Variants in CRYZ observed in about 807,000 individuals in gnomAD.
CRYZ encodes zeta-crystallin.
Under a neutral mutation model 34.1 loss-of-function variants are expected in CRYZ, and 35 were observed. That is an observed-to-expected ratio of 1.03 (90% confidence interval 0.78 to 1.36). The LOEUF is 1.36. CRYZ is among the 40% of genes most tolerant of loss of function. The pLI, the probability that CRYZ is intolerant of heterozygous loss-of-function variation, is 0.00. For missense variants in CRYZ, 403 were observed against 391.8 expected, an observed-to-expected ratio of 1.03 and a Z score of -0.24; for synonymous variants, 137 against 136.5, an observed-to-expected ratio of 1.00 and a Z score of -0.03.
At chr1:74,727,812 G>T (rs557516877) in intron 1 of CRYZ, among the ~76,000 whole-genome samples, 4 of 152,052 alleles carry the variant, frequency 2.6e-5, no homozygotes, top group Non-Finnish European at 5.9e-5. Context: ...TGGCGACAGA[G>T]CCAAATGATA....
intron 3 of CRYZ, among the ~76,000 whole-genome samples, chr1:74,721,929 A>T (rs1031317925): frequency 1.3e-5 from 2 of 152,116 alleles, no homozygotes; most frequent in African/African-American, 2.4e-5. Context: ...TGCTAGAGTG[A>T]CTCAGGAACT....
At chr1:74,720,966 C>T (rs1647153559) in intron 3 of CRYZ, among the ~76,000 whole-genome samples, 2 of 152,010 alleles carry the variant, frequency 1.3e-5, no homozygotes, top group South Asian at 2.1e-4. Flanking sequence ...GAAATTACTT[C>T]TAAGTAGAGG....
At position 74,731,189 on chromosome 1, in the gene CRYZ, A is replaced by G. The variant is rs372427649; in HGVS notation, c.-14+1767T>C. On this transcript the variant is annotated intron_variant, in intron 1 of 8. Coordinates refer to ENST00000340866, the MANE Select transcript of CRYZ (RefSeq NM_001889.4). ...GCCTTACAAATCTAGGAAATAGAAAATCTAAAATCCCTCTTCCAACAGTGA... is the reference window on the plus strand; with the variant it reads ...GCCTTACAAATCTAGGAAATAGAAAGTCTAAAATCCCTCTTCCAACAGTGA... Among the ~76,000 whole-genome samples the G allele has an allele frequency of 5.1e-4, 78 of 152,318 alleles. 1 individual carries two copies. The East Asian group carries it at 6.6e-3, about 13-fold the overall frequency.
At chr1:74,712,348 T>A (rs989983303) in intron 5 of CRYZ, among the ~76,000 whole-genome samples, 1 of 152,134 alleles carries the variant, frequency 6.6e-6, no homozygotes, top group African/African-American at 2.4e-5. Context: ...CCCCAAGTTG[T>A]GACAACCAAA....
chr1:74,723,655 T>G (rs918374734), intron 2 of CRYZ, among the ~76,000 whole-genome samples: 1 of 152,118 alleles, frequency 6.6e-6, no homozygotes, highest in African/African-American at 2.4e-5. Flanking sequence ...TTAGCAAAAG[T>G]GACAGTAGAC....
In CRYZ at chr1:74,707,094, A is replaced by C; in HGVS notation, c.732+9T>G. 3.2e-6 allele frequency: 5 copies of C among 1,554,910 alleles called. No individual in the cohort carries two copies. Among genetic ancestry groups the C allele is most frequent in the Non-Finnish European group, 4.4e-6 (5 of 1,143,450 alleles). On this transcript the variant is annotated intron_variant, in intron 7 of 8. Coordinates refer to ENST00000340866, the MANE Select transcript of CRYZ (RefSeq NM_001889.4). ...TGGTAAAAAAAAAAAAAAGAAAAGG[A>C]ATACTTACTATCACTCGTCCTCCAT...
intron 3 of CRYZ, among the ~76,000 whole-genome samples, chr1:74,720,882 G>A (rs1647152324): frequency 6.6e-6 from 1 of 151,934 alleles, no homozygotes. Flanking sequence ...GGAGAGAAAA[G>A]CAAAGGATAG....
chr1:74,715,449 G>C (rs565837635), intron 4 of CRYZ, among the ~76,000 whole-genome samples: 2 of 152,224 alleles, frequency 1.3e-5, no homozygotes, highest in Admixed American at 6.5e-5. Flanking sequence ...CAAACAATGT[G>C]GGGTGGCCAC....
At chr1:74,714,294 T>A (rs1208000326) in intron 5 of CRYZ, among the ~76,000 whole-genome samples, 1 of 152,018 alleles carries the variant, frequency 6.6e-6, no homozygotes, top group Non-Finnish European at 1.5e-5. Flanking sequence ...CATATGCTAC[T>A]TGAAGGCAAA....
intron 6 of CRYZ, chr1:74,708,542 A>C (rs1220705419): frequency 6.6e-6 from 1 of 152,158 alleles, no homozygotes; most frequent in African/African-American, 2.4e-5. Context: ...TGGAATAGAG[A>C]TAAGGAAATA....
In CRYZ at chr1:74,719,268, A is replaced by C; in HGVS notation, c.369T>G (p.Phe123Leu). 6.2e-7 allele frequency: 1 copy of C among 1,613,912 alleles called. No homozygotes were observed. Among genetic ancestry groups the C allele is most frequent in the Non-Finnish European group, 8.5e-7 (1 of 1,179,816 alleles). ...TVYKLPEKLD[F>L]KQGAAIGIPY... is the part of the protein sequence containing the mutation. ...GAATGCCGATGGCAGCTCCTTGTTT[A>C]AAGTCCAGTTTTTCAGGTAGTTTGT... is the stretch of plus-strand genomic sequence containing the variant. The change falls in exon 4 of 9, where the codon TTT (phenylalanine) becomes TTG (leucine). Residue 123 changes from phenylalanine (F) to leucine (L), a missense_variant. By Grantham distance (22) the Phe-to-Leu change is conservative. Transcript: ENST00000340866.
Position 74,706,514 on chromosome 1 carries a change from G to T in CRYZ, c.829-57C>A. 4 of 1,494,086 alleles carry T rather than the reference G, an allele frequency of 2.7e-6. No individual in the cohort carries two copies. The South Asian group carries it at 5.2e-5, about 19-fold the overall frequency. The allele number at this position is 1,494,086 out of a possible 1,614,324, so 92.6% of individuals were successfully genotyped here. On this transcript the variant is annotated intron_variant, in intron 8 of 8. Coordinates refer to ENST00000340866, the MANE Select transcript of CRYZ (RefSeq NM_001889.4). Reference sequence around the variant, plus strand: ...AGTGAACCGTATGATTTAATTTTCAGAAGCATTAAAAACACTTCAGAATCT... The same window carrying T: ...AGTGAACCGTATGATTTAATTTTCATAAGCATTAAAAACACTTCAGAATCT...
Position 74,706,177 on chromosome 1 carries a change from AT to A in CRYZ, c.*118del. The A allele has an allele frequency of 1.1e-6, 1 of 902,744 alleles. No homozygotes were observed. The highest frequency in any genetic ancestry group is 2.7e-5 in the East Asian group (1 of 37,104). The allele number at this position is 902,744 out of a possible 1,614,324, so 55.9% of individuals were successfully genotyped here. A position where few individuals can be genotyped will look rare whatever the true frequency, so the allele number is the denominator to read the frequency against. ...CTTCTGCTCTCTAAAGAAAAATCTT[AT>A]TTTTTCACATAAGAAGCTCATGGAA... is the stretch of plus-strand genomic sequence containing the variant. On this transcript the variant is annotated 3_prime_UTR_variant, in exon 9 of 9. Transcript: ENST00000340866.
At chr1:74,719,475 T>C (rs1469743103) in intron 3 of CRYZ, 103 bp from the exon 4 acceptor site, 8 of 1,059,554 alleles carry the variant, frequency 7.6e-6, no homozygotes, top group Non-Finnish European at 9.3e-6. Flanking sequence ...TCATATATTG[T>C]CCTCTATAGG....
At chr1:74,721,740 C>A (rs1322880987) in intron 3 of CRYZ, among the ~76,000 whole-genome samples, 1 of 152,158 alleles carries the variant, frequency 6.6e-6, no homozygotes, top group Non-Finnish European at 1.5e-5. Flanking sequence ...AAGAGAGGCG[C>A]TATCTGCAGT....
chr1:74,726,602 C>G (rs1353050357), intron 1 of CRYZ, among the ~76,000 whole-genome samples: 5 of 152,160 alleles, frequency 3.3e-5, no homozygotes, highest in Non-Finnish European at 7.4e-5. Flanking sequence ...TTTCCCCATT[C>G]CATTATCTTG....
rs138104182 is a variant in CRYZ at position 74,731,092 on chromosome 1, T to C, written c.-14+1864A>G. 1.0e-3 allele frequency among the ~76,000 whole-genome samples: 159 copies of C among 152,344 alleles called. 1 individual carries two copies. The highest frequency in any genetic ancestry group is 3.5e-3 in the African/African-American group (147 of 41,578). On this transcript the variant is annotated intron_variant, in intron 1 of 8. Coordinates refer to ENST00000340866, the MANE Select transcript of CRYZ (RefSeq NM_001889.4). ...AATAGGCCTTCCTGTTTATCAAATA[T>C]AAACTTTTAAAAATTAAGAGTCCCT...
chr1:74,724,795 T>G lies in CRYZ; in HGVS notation c.27A>C (p.Arg9Ser). Reference protein sequence around the residue: MATGQKLMRAVRVFEFGGP... With the variant: MATGQKLMSAVRVFEFGGP... Reference sequence around the variant, plus strand: ...CACCAAATTCAAAAACTCTAACAGCTCTCATCAACTTCTGTCCAGTCGCCA... The same window carrying G: ...CACCAAATTCAAAAACTCTAACAGCGCTCATCAACTTCTGTCCAGTCGCCA... The change falls in exon 2 of 9, where the codon AGA (arginine) becomes AGC (serine). Residue 9 changes from arginine to serine, a missense_variant. Arg to Ser is a moderately radical substitution (Grantham distance 110). Transcript: ENST00000340866. The G allele has an allele frequency of 2.5e-6, 4 of 1,613,252 alleles. No individual in the cohort carries two copies. The highest frequency in any genetic ancestry group is 3.4e-6 in the Non-Finnish European group (4 of 1,179,490).
At chr1:74,720,151 G>T (rs1647138605) in intron 3 of CRYZ, among the ~76,000 whole-genome samples, 2 of 152,004 alleles carry the variant, frequency 1.3e-5, no homozygotes, top group African/African-American at 4.8e-5. Context: ...TGTTATTTTT[G>T]TCCAAAATGC....
Sources: gnomAD v4.1 joint callset for allele counts (sites outside exome capture counted in the v4.1 genomes callset) on GRCh38, gnomAD v4.1.1 for gene constraint, MANE v1.5 for transcripts, NCBI Gene and HGNC (gene_info 2026-07-23, HGNC 2026-07-21) for gene names.